SNX29: variants seen among roughly 807,000 people sequenced by gnomAD.
SNX29 encodes the protein sorting nexin 29.
Under a neutral mutation model 102.1 loss-of-function variants are expected in SNX29, and 78 were observed. The observed-to-expected ratio is 0.76, with a 90% CI of 0.64 to 0.92. The LOEUF (loss-of-function observed/expected upper bound fraction) is 0.92. Among genes scored for constraint, SNX29 ranks in the 40% least tolerant of loss-of-function variants. The probability of loss-of-function intolerance (pLI) is 0.00; values close to 1 mark genes in which losing one functional copy is unlikely to be tolerated. For missense variants in SNX29, 1,280 were observed against 1,061.7 expected (o/e 1.21, Z -2.86); for synonymous variants, 580 against 414.5 (o/e 1.40, Z -4.85).
At chr16:12,452,900 C>T (rs541993485) in intron 18 of SNX29, among the ~76,000 whole-genome samples, 1 of 152,262 alleles carries the variant, frequency 6.6e-6, no homozygotes, top group African/African-American at 2.4e-5. Flanking sequence ...GCTGTCATTT[C>T]TTTTGTTATT....
chr16:12,563,421 C>T (rs996874445), intron 20 of SNX29, among the ~76,000 whole-genome samples: 3 of 152,180 alleles, frequency 2.0e-5, no homozygotes, highest in African/African-American at 4.8e-5. Context: ...GGATTTTGTT[C>T]CTTGCGGTAT....
intron 8 of SNX29, among the ~76,000 whole-genome samples, chr16:12,055,115 C>T (rs539403355): frequency 6.6e-6 from 1 of 152,016 alleles, no homozygotes; most frequent in Non-Finnish European, 1.5e-5. Context: ...CTGAGGCGGA[C>T]GTTCTGTGTG....
At chr16:12,394,932 T>C (rs1016085836) in intron 16 of SNX29, among the ~76,000 whole-genome samples, 32 of 152,118 alleles carry the variant, frequency 2.1e-4, no homozygotes, top group African/African-American at 7.2e-4. Flanking sequence ...GGTGTCATGC[T>C]TGCACACCCC....
At chr16:12,097,984 C>T (rs545043745) in intron 11 of SNX29, among the ~76,000 whole-genome samples, 1 of 152,350 alleles carries the variant, frequency 6.6e-6, no homozygotes, top group Non-Finnish European at 1.5e-5. Context: ...ACCCCAGGCT[C>T]CTGCAGTCCC....
intron 3 of SNX29, among the ~76,000 whole-genome samples, chr16:12,013,532 T>TAC (rs2056745870): frequency 8.6e-6 from 1 of 115,796 alleles, no homozygotes; most frequent in African/African-American, 3.3e-5. Context: ...TATATATATA[T>TAC]ATATATATAT....
At chr16:12,122,762 C>T (rs909683239) in intron 11 of SNX29, among the ~76,000 whole-genome samples, 5 of 152,114 alleles carry the variant, frequency 3.3e-5, no homozygotes, top group Non-Finnish European at 7.4e-5. Context: ...GCCTTATATT[C>T]ACATAGCACC....
At chr16:12,492,197 T>G (rs1021458094) in intron 19 of SNX29, among the ~76,000 whole-genome samples, 1 of 152,224 alleles carries the variant, frequency 6.6e-6, no homozygotes, top group African/African-American at 2.4e-5. Context: ...ACCTGTTGTT[T>G]CCTGACTTTT....
In SNX29 at chr16:12,571,561, A is replaced by C. The variant is rs2079188307; in HGVS notation, c.*2932A>C. 3.0e-6 allele frequency: 3 copies of C among 1,007,010 alleles called. No homozygotes were observed. Among genetic ancestry groups the C allele is most frequent in the Non-Finnish European group, 3.6e-6 (3 of 826,772 alleles). The allele number at this position is 1,007,010 out of a possible 1,614,324, so 62.4% of individuals were successfully genotyped here. On this transcript the variant is annotated 3_prime_UTR_variant, in exon 21 of 21. Transcript: ENST00000566228. ...TTGCTGGGAGGAAGAATCCACACCGAATCCTTCTGTCTTCATGGCCTGCTG... is the reference window on the plus strand; with the variant it reads ...TTGCTGGGAGGAAGAATCCACACCGCATCCTTCTGTCTTCATGGCCTGCTG...
At chr16:12,157,877 C>T (rs537685584) in intron 13 of SNX29, among the ~76,000 whole-genome samples, 7 of 152,220 alleles carry the variant, frequency 4.6e-5, no homozygotes, top group Non-Finnish European at 1.0e-4. Flanking sequence ...GGGCTGGCTT[C>T]TGTTCATGCA....
At chr16:12,124,401 G>T (rs995673873) in intron 11 of SNX29, among the ~76,000 whole-genome samples, 1 of 150,820 alleles carries the variant, frequency 6.6e-6, no homozygotes, top group Non-Finnish European at 1.5e-5. Flanking sequence ...CCAGTTTACT[G>T]CCCTGAGGAG....
At chr16:12,061,275 CT>C (rs2050763024) in intron 8 of SNX29, among the ~76,000 whole-genome samples, 1 of 152,248 alleles carries the variant, frequency 6.6e-6, no homozygotes. Context: ...ACAGTATTCA[CT>C]GGCTCTTTTG....
intron 16 of SNX29, among the ~76,000 whole-genome samples, chr16:12,371,136 G>T (rs758386534): frequency 6.6e-6 from 1 of 152,218 alleles, no homozygotes; most frequent in Non-Finnish European, 1.5e-5. Context: ...TCAAAGCGGT[G>T]GTTGGGGATG....
intron 11 of SNX29, among the ~76,000 whole-genome samples, chr16:12,107,394 C>T (rs559599402): frequency 1.0e-3 from 151 of 148,308 alleles, no homozygotes; most frequent in African/African-American, 3.5e-3. Flanking sequence ...AGACCTGGTG[C>T]GGTGGCTGAT....
chr16:12,093,313 G>T (rs544591136), intron 11 of SNX29, among the ~76,000 whole-genome samples: 1 of 152,344 alleles, frequency 6.6e-6, no homozygotes, highest in African/African-American at 2.4e-5. Flanking sequence ...CAGCACTGCT[G>T]TTCAAGAGCT....
intron 15 of SNX29, among the ~76,000 whole-genome samples, chr16:12,316,593 C>A (rs192382241): frequency 1.6e-3 from 242 of 152,272 alleles, no homozygotes; most frequent in Non-Finnish European, 2.9e-3. Context: ...ATCTTGCTCT[C>A]TCTCACCTCA....
At chr16:12,558,371 C>G (rs1055008441) in intron 20 of SNX29, among the ~76,000 whole-genome samples, 1 of 152,176 alleles carries the variant, frequency 6.6e-6, no homozygotes, top group Non-Finnish European at 1.5e-5. Flanking sequence ...CCATTGGTAA[C>G]CATCGGAATT....
chr16:12,199,652 G>T lies in SNX29; in HGVS notation c.1647G>T (p.Gln549His), dbSNP rs1466450695. ...VQLKKYVGAVQMLKREGQTAE... is the reference protein window; with the variant it reads ...VQLKKYVGAVHMLKREGQTAE... ...TGAAGAAATATGTAGGAGCTGTCCAGATGCTGAAAAGAGAAGGTCAAACAG... is the reference window on the plus strand; with the variant it reads ...TGAAGAAATATGTAGGAGCTGTCCATATGCTGAAAAGAGAAGGTCAAACAG... Residue 549 changes from glutamine (Q) to histidine (H), a missense_variant, in exon 14 of 21, where the codon CAG (glutamine) becomes CAT (histidine). Coordinates refer to ENST00000566228, the MANE Select transcript of SNX29 (RefSeq NM_032167.5). The T allele has an allele frequency of 1.9e-6, 3 of 1,613,264 alleles. No homozygotes were observed. Among genetic ancestry groups the T allele is most frequent in the Non-Finnish European group, 2.5e-6 (3 of 1,179,554 alleles).
intron 13 of SNX29, among the ~76,000 whole-genome samples, chr16:12,141,380 T>C (rs2054863211): frequency 6.6e-6 from 1 of 152,196 alleles, no homozygotes; most frequent in African/African-American, 2.4e-5. Context: ...GGGGTCTTGA[T>C]TCAGATCCCA....
intron 13 of SNX29, among the ~76,000 whole-genome samples, chr16:12,192,771 C>T (rs746777861): frequency 5.3e-5 from 8 of 152,192 alleles, no homozygotes; most frequent in East Asian, 3.8e-4. Flanking sequence ...GGCACGATCT[C>T]GGCTCACTGC....
Sources: gnomAD v4.1 joint callset for allele counts (sites outside exome capture counted in the v4.1 genomes callset) on GRCh38, gnomAD v4.1.1 for gene constraint, MANE v1.5 for transcripts, NCBI Gene and HGNC (gene_info 2026-07-23, HGNC 2026-07-21) for gene names.